Variants in FOXP3 observed in about 807,000 individuals in gnomAD.
FOXP3 encodes the protein forkhead box protein P3.
Under a neutral mutation model 31.2 loss-of-function variants are expected in FOXP3, and 5 were observed. That is an observed-to-expected ratio of 0.16 (90% CI 0.08 to 0.34). FOXP3 has a LOEUF of 0.34. Among genes scored for constraint, FOXP3 ranks in the 10% least tolerant of loss-of-function variants. FOXP3 has a pLI of 1.00. For missense variants in FOXP3, 251 were observed against 363.0 expected, an observed-to-expected ratio of 0.69 and a Z score of 2.51; for synonymous variants, 141 against 148.8, an observed-to-expected ratio of 0.95 and a Z score of 0.38.
intron 1 of FOXP3, among the ~76,000 whole-genome samples, chrX:49,262,450 C>T (rs1247951629): frequency 8.9e-6 from 1 of 112,177 alleles, no homozygotes; most frequent in African/African-American, 3.2e-5. Context: ...ACAAATGTGT[C>T]TGAGATAATT....
At chrX:49,251,575 T>G in intron 11 of FOXP3, 89 bp downstream of exon 11, 1 of 1,209,344 alleles carries the variant, frequency 8.3e-7, no homozygotes, top group Non-Finnish European at 1.1e-6. Context: ...CTCCCCAATG[T>G]GCCTATGAGC....
At chrX:49,257,052 G>A in intron 4 of FOXP3, 40 bp from the exon 5 acceptor site, 1 of 1,107,515 alleles carries the variant, frequency 9.0e-7, no homozygotes, top group Non-Finnish European at 1.2e-6. Context: ...GCTGTGGGCT[G>A]GGCTCTGGAG....
At chrX:49,252,188 G>A (rs1310015857) in intron 10 of FOXP3, among the ~76,000 whole-genome samples, 17 of 107,096 alleles carry the variant, frequency 1.6e-4, no homozygotes, top group African/African-American at 5.5e-4. Flanking sequence ...AAGGGTCAGG[G>A]AAGGGGTGGG....
At chrX:49,253,744 A>G (rs1256650664) in intron 9 of FOXP3, among the ~76,000 whole-genome samples, 173 bp downstream of exon 9, 1 of 111,903 alleles carries the variant, frequency 8.9e-6, no homozygotes, top group African/African-American at 3.2e-5. Context: ...GGCCACGGAC[A>G]TCCCGAAAGG....
At chrX:49,255,530 G>A in intron 7 of FOXP3, 21 bp from the exon 8 acceptor site, 1 of 1,179,928 alleles carries the variant, frequency 8.5e-7, no homozygotes, top group Non-Finnish European at 1.1e-6. Flanking sequence ...GCACAAACAT[G>A]AGGCCTCAGC....
intron 1 of FOXP3, 96 bp downstream of exon 1, chrX:49,264,565 T>A (rs1049825258): frequency 2.2e-6 from 1 of 446,155 alleles, no homozygotes; most frequent in Non-Finnish European, 2.8e-6. Context: ...TACATCCCAC[T>A]GTACCAGAGG....
At chrX:49,252,692 C>T (rs2066041705) in intron 10 of FOXP3, among the ~76,000 whole-genome samples, 1 of 108,911 alleles carries the variant, frequency 9.2e-6, no homozygotes, top group South Asian at 4.1e-4. Flanking sequence ...GGTGTATTGA[C>T]ATACTGGGGT....
rs1215832691 is a variant in FOXP3, at chrX:49,257,481, G to T, written c.400C>A (p.Pro134Thr). 24 of 1,148,780 alleles carry T rather than the reference G, an allele frequency of 2.1e-5. No individual in the cohort carries two copies. The highest frequency in any genetic ancestry group is 2.8e-5 in the Non-Finnish European group (24 of 863,247). 94.7% of individuals were successfully genotyped at this position (1,148,780 alleles called of 1,213,427 possible). A position where few individuals can be genotyped will look rare whatever the true frequency, so the allele number is the denominator to read the frequency against. The change falls in exon 4 of 12, where the codon CCC becomes ACC. Residue 134 changes from proline to threonine, a missense_variant. Around this residue, in one of 4 missense-constraint regions of FOXP3, gnomAD observed 152 missense variants for 188.1 expected, o/e 0.81. Transcript: ENST00000376207. ...GAGAAGACCCCAGTGGCGGTGGTGG[G>T]TGGTGTGAGGCTGATCATGGCTGGG... is the stretch of plus-strand genomic sequence containing the variant. ...ESPAMISLTP[P>T]TTATGVFSLK...
rs1016479616 is a variant in FOXP3, at chrX:49,256,375, G to A, written c.647+376C>T. Among the ~76,000 whole-genome samples the A allele has an allele frequency of 2.7e-5, 3 of 110,211 alleles. No individual in the cohort carries two copies. In the East Asian group the frequency reaches 8.6e-4, roughly 31 times the overall value. On this transcript the variant is annotated intron_variant, in intron 6 of 11. Coordinates refer to ENST00000376207, the MANE Select transcript of FOXP3 (RefSeq NM_014009.4). ...TGGCATGTTGGCATGAGGAGTAGCA[G>A]GGCAAAGCAGGAGTGCAGATTCTAG...
At chrX:49,255,359 G>T in intron 8 of FOXP3, 70 bp downstream of exon 8, 1 of 1,037,846 alleles carries the variant, frequency 9.6e-7, no homozygotes, top group Non-Finnish European at 1.3e-6. Flanking sequence ...TAGGTTCCCT[G>T]CACCGTGCAG....
At chrX:49,253,699 G>C (rs1223881903) in intron 9 of FOXP3, among the ~76,000 whole-genome samples, 1 of 112,284 alleles carries the variant, frequency 8.9e-6, no homozygotes, top group Non-Finnish European at 1.9e-5. Flanking sequence ...TCAGGGCTAG[G>C]GGCCCGACAC....
intron 1 of FOXP3, among the ~76,000 whole-genome samples, chrX:49,263,932 A>C (rs781995191): frequency 1.4e-3 from 162 of 111,976 alleles, no homozygotes; most frequent in African/African-American, 5.0e-3. Flanking sequence ...GCACCTTGCA[A>C]TCCTCCTGCT....
rs1024367112 is a variant in FOXP3, at chrX:49,264,668, A to C, written c.-30T>G. 2.7e-6 allele frequency: 2 copies of C among 751,677 alleles called. No individual in the cohort carries two copies. Among genetic ancestry groups the C allele is most frequent in the Non-Finnish European group, 3.1e-6 (2 of 638,462 alleles). The allele number at this position is 751,677 out of a possible 1,213,427, so 61.9% of individuals were successfully genotyped here. On this transcript the variant is annotated 5_prime_UTR_variant, in exon 1 of 12. Coordinates refer to ENST00000376207, the MANE Select transcript of FOXP3 (RefSeq NM_014009.4). ...GAGAGCAGGGACACTCACCTTGGTG[A>C]AGTGGACTGACAGAAAAGGATCAGC...
intron 2 of FOXP3, 149 bp from the exon 3 acceptor site, chrX:49,257,917 T>G: frequency 2.0e-6 from 1 of 503,761 alleles, no homozygotes; most frequent in African/African-American, 2.3e-5. Flanking sequence ...GGAGATCGAG[T>G]AACTTTTTAA....
Position 49,255,753 on chromosome X carries a change from G to A in FOXP3, c.697C>T (p.Leu233Phe), listed in dbSNP as rs1557116209. 1 of 1,207,759 alleles carries A rather than the reference G, an allele frequency of 8.3e-7. No individual in the cohort carries two copies. The highest frequency in any genetic ancestry group is 1.8e-5 in the African/African-American group (1 of 57,135). Residue 233 changes from leucine (L) to phenylalanine (F), a missense_variant, in exon 7 of 12, where the codon CTC (leucine) becomes TTC (phenylalanine). By Grantham distance (22) the Leu-to-Phe change is conservative. Coordinates refer to ENST00000376207, the MANE Select transcript of FOXP3 (RefSeq NM_014009.4). ...LLDEKGRAQC[L>F]LQREMVQSLE... ...GACTGTACCATCTCTCTCTGGAGGA[G>A]ACATTGTGCCCTGCCCTTCTCATCC...
In FOXP3 at chrX:49,256,129, C is replaced by CTGCAAGGAGGACAGGACAT. The variant is rs1416474812; in HGVS notation, c.648-346_648-328dup. ...AGGGACGGCCTGTGCAAAGGCCTGG[C>CTGCAAGGAGGACAGGACAT]TGCAAGGAGGACAGGACATGTGGGG... On this transcript the variant is annotated intron_variant, in intron 6 of 11. Coordinates refer to ENST00000376207, the MANE Select transcript of FOXP3 (RefSeq NM_014009.4). Among the ~76,000 whole-genome samples, 5 of 109,069 alleles carry CTGCAAGGAGGACAGGACAT rather than the reference C, an allele frequency of 4.6e-5. No individual in the cohort carries two copies. The East Asian group carries it at 1.4e-3, about 32-fold the overall frequency. 94.7% of individuals were successfully genotyped at this position (109,069 alleles called of 115,157 possible).
At position 49,255,778 on chromosome X, in the gene FOXP3, C is replaced by T; in HGVS notation, c.672G>A (p.Leu224=). 1 of 1,208,674 alleles carries T rather than the reference C, an allele frequency of 8.3e-7. No individual in the cohort carries two copies. The highest frequency in any genetic ancestry group is 1.1e-6 in the Non-Finnish European group (1 of 893,887). Residue 224 remains leucine (L), a synonymous_variant, in exon 7 of 12, where the codon CTG becomes CTA. Coordinates refer to ENST00000376207, the MANE Select transcript of FOXP3 (RefSeq NM_014009.4). The stretch of plus-strand genomic sequence containing the variant: ...GACATTGTGCCCTGCCCTTCTCATC[C>T]AGAAGATGGTCCGCCTGGCAGTGCC... The part of the protein sequence containing the change: ...FLKHCQADHL[L]DEKGRAQCLL...
chrX:49,256,943 C>T lies in FOXP3; in HGVS notation c.524G>A (p.Ser175Asn), dbSNP rs1258307921. The change falls in exon 5 of 12, where the codon AGT (serine) becomes AAT (asparagine). Residue 175 changes from serine (S) to asparagine (N), a missense_variant. Ser to Asn is a conservative substitution (Grantham distance 46). Around this residue, in one of 4 missense-constraint regions of FOXP3, gnomAD observed 152 missense variants for 188.1 expected, o/e 0.81. Transcript: ENST00000376207. ...PALLCTFPNP[S>N]APRKDSTLSA... ...CACTGACCTGTCCTTCCTGGGTGCA[C>T]TGGGATTTGGGAAGGTGCAGAGCAG... 7.4e-6 allele frequency: 9 copies of T among 1,210,353 alleles called. No individual in the cohort carries two copies. Among genetic ancestry groups the T allele is most frequent in the Non-Finnish European group, 8.9e-6 (8 of 895,130 alleles).
chrX:49,252,966 G>A (rs782753151), intron 10 of FOXP3, among the ~76,000 whole-genome samples, 160 bp downstream of exon 10: 61 of 110,023 alleles, frequency 5.5e-4, no homozygotes, highest in African/African-American at 1.9e-3. Flanking sequence ...GCCAGCATGA[G>A]GGGTCACATT....
Sources: gnomAD v4.1 joint callset for allele counts (sites outside exome capture counted in the v4.1 genomes callset) on GRCh38, gnomAD v4.1.1 for gene constraint, gnomAD v4.1.1 regional missense constraint, MANE v1.5 for transcripts, NCBI Gene and HGNC (gene_info 2026-07-23, HGNC 2026-07-21) for gene names.